Variants in LRRC8B observed in about 807,000 individuals in gnomAD.
The protein encoded by LRRC8B is leucine rich repeat containing 8 VRAC subunit B.
In LRRC8B, 23 loss-of-function variants were observed where a neutral mutation model predicts 58.8. The observed-to-expected ratio is 0.39, with a 90% CI of 0.28 to 0.55. The LOEUF (loss-of-function observed/expected upper bound fraction) is 0.55, where lower values mean the gene tolerates loss of function less well. Ranked by LOEUF, LRRC8B falls within the 20% of genes least tolerant of loss-of-function variation. The pLI, the probability that LRRC8B is intolerant of heterozygous loss-of-function variation, is 0.62. For synonymous variants in LRRC8B, 359 were observed against 374.1 expected, an observed-to-expected ratio of 0.96 and a Z score of 0.47; for missense variants, 694 against 936.0, an observed-to-expected ratio of 0.74 and a Z score of 3.37.
chr1:89,536,478 G>C (rs1380122198), intron 1 of LRRC8B, among the ~76,000 whole-genome samples: 1 of 152,176 alleles, frequency 6.6e-6, no homozygotes, highest in Non-Finnish European at 1.5e-5. Context: ...CTCTTAGCAG[G>C]CCCTAGAGTT....
In LRRC8B at chr1:89,583,471, C is replaced by G; in HGVS notation, c.821C>G (p.Thr274Ser). ...GTCATTTTGTTTGTGCTCATCATAA[C>G]TTATGTTCCATATTTTTTAACCCAC... ...VKVILFVLII[T>S]YVPYFLTHIT... is the part of the protein sequence containing the mutation. Residue 274 changes from threonine to serine, a missense_variant, in exon 5 of 6, where the codon ACT (threonine) becomes AGT (serine). Coordinates refer to ENST00000330947, the MANE Select transcript of LRRC8B (RefSeq NM_001369817.2). This position sits in a 1 kb window ranked among gnomAD's most constrained non-coding sequence, Gnocchi z 5.2. 6.2e-7 allele frequency: 1 copy of G among 1,614,046 alleles called. No homozygotes were observed.
intron 1 of LRRC8B, among the ~76,000 whole-genome samples, chr1:89,551,069 G>A (rs1467251965): frequency 3.3e-5 from 5 of 152,040 alleles, no homozygotes; most frequent in African/African-American, 1.2e-4. Flanking sequence ...CCCTCTGGCC[G>A]TGAAGATCCT....
In LRRC8B at chr1:89,591,299, A is replaced by T. The variant is rs141478433; in HGVS notation, c.2140-1472A>T. Among the ~76,000 whole-genome samples, 21 of 152,306 alleles carry T rather than the reference A, an allele frequency of 1.4e-4. 1 individual carries two copies. The highest frequency in any genetic ancestry group is 4.6e-4 in the African/African-American group (19 of 41,574). On this transcript the variant is annotated intron_variant, in intron 5 of 5. Coordinates refer to ENST00000330947, the MANE Select transcript of LRRC8B (RefSeq NM_001369817.2). ...AGGACTGATTTTTTCCTTCACTTGG[A>T]CATCACTGATCCTACTTCTGAGCTG...
chr1:89,582,752 C>A lies in LRRC8B; in HGVS notation c.102C>A (p.Ile34=). 6.2e-7 allele frequency: 1 copy of A among 1,614,220 alleles called. No homozygotes were observed. Among genetic ancestry groups the A allele is most frequent in the Non-Finnish European group, 8.5e-7 (1 of 1,180,032 alleles). Residue 34 remains isoleucine (I), a synonymous_variant, in exon 5 of 6, where the codon ATC becomes ATA. Coordinates refer to ENST00000330947, the MANE Select transcript of LRRC8B (RefSeq NM_001369817.2). ...TCTTCTGGTATTACATCACACTGAT[C>A]ATGCTGCTGGTGGCCGTGCTGGCCG... ...WDVFWYYITL[I]MLLVAVLAGA...
intron 1 of LRRC8B, among the ~76,000 whole-genome samples, chr1:89,565,172 G>A (rs776198763): frequency 2.6e-5 from 4 of 152,162 alleles, no homozygotes; most frequent in African/African-American, 4.8e-5. Context: ...CAGGACAAGT[G>A]GGCACAGAAT....
At chr1:89,528,562 TAGTTA>T (rs1300894343) in intron 1 of LRRC8B, among the ~76,000 whole-genome samples, 5 of 152,216 alleles carry the variant, frequency 3.3e-5, no homozygotes, top group African/African-American at 1.2e-4. Context: ...AGTTGTGGAT[TAGTTA>T]AAATTAGTTG....
chr1:89,530,767 C>T (rs1271578747), intron 1 of LRRC8B, among the ~76,000 whole-genome samples: 1 of 152,146 alleles, frequency 6.6e-6, no homozygotes, highest in Non-Finnish European at 1.5e-5. Flanking sequence ...GGTGGACAAC[C>T]CCAACGGCCG....
rs376518152 is a variant in LRRC8B at position 89,593,838 on chromosome 1, G to A, written c.*795G>A. ...TTATGTTCCTAAATTTTTTTAGATA[G>A]GGTATGTTGTGCTTGGCAGAATTCT... On this transcript the variant is annotated 3_prime_UTR_variant, in exon 6 of 6. Transcript: ENST00000330947. 7.9e-5 allele frequency: 12 copies of A among 152,082 alleles called. No homozygotes were observed. In the East Asian group the frequency reaches 9.6e-4, roughly 12 times the overall value. 9.4% of individuals were successfully genotyped at this position (152,082 alleles called of 1,614,324 possible).
rs553101022 is a variant in LRRC8B at position 89,569,430 on chromosome 1, T to C, written c.-125+937T>C. On this transcript the variant is annotated intron_variant, in intron 3 of 5. Coordinates refer to ENST00000330947, the MANE Select transcript of LRRC8B (RefSeq NM_001369817.2). Reference sequence around the variant, plus strand: ...TGTCACCCAGGTAGTGAGCATAGTGTACAATAGGAAAACTTTCAGCCCTTG... The same window carrying C: ...TGTCACCCAGGTAGTGAGCATAGTGCACAATAGGAAAACTTTCAGCCCTTG... Among the ~76,000 whole-genome samples, 16 of 152,284 alleles carry C rather than the reference T, an allele frequency of 1.1e-4. No homozygotes were observed. In the South Asian group the frequency reaches 3.3e-3, roughly 32 times the overall value.
intron 5 of LRRC8B, among the ~76,000 whole-genome samples, chr1:89,589,750 G>C (rs1654858866): frequency 6.7e-6 from 1 of 149,224 alleles, no homozygotes; most frequent in African/African-American, 2.5e-5. Context: ...TTCCTGAGAT[G>C]GCATGTGTCA....
chr1:89,569,779 G>T (rs1235789773), intron 3 of LRRC8B, among the ~76,000 whole-genome samples: 2 of 151,972 alleles, frequency 1.3e-5, no homozygotes, highest in African/African-American at 4.8e-5. Flanking sequence ...TGTGTCATGG[G>T]GGTTTGTGGT....
chr1:89,566,227 G>T (rs1256568532), intron 1 of LRRC8B, among the ~76,000 whole-genome samples: 1 of 152,168 alleles, frequency 6.6e-6, no homozygotes, highest in Non-Finnish European at 1.5e-5. Context: ...CAATGTAAAA[G>T]AAATATTAGT....
chr1:89,565,597 T>C (rs1652987132), intron 1 of LRRC8B, among the ~76,000 whole-genome samples: 1 of 152,234 alleles, frequency 6.6e-6, no homozygotes, highest in East Asian at 1.9e-4. Flanking sequence ...CACCCTTCCA[T>C]ACCCACCATG....
At chr1:89,545,503 G>C (rs565787245) in intron 1 of LRRC8B, among the ~76,000 whole-genome samples, 20 of 152,140 alleles carry the variant, frequency 1.3e-4, no homozygotes, top group Non-Finnish European at 2.1e-4. Flanking sequence ...CTGTCATACT[G>C]TGTCTGCATG....
chr1:89,574,781 C>T (rs1169058203), intron 3 of LRRC8B, among the ~76,000 whole-genome samples: 3 of 152,136 alleles, frequency 2.0e-5, no homozygotes, highest in Non-Finnish European at 4.4e-5. Context: ...TTCCTCTACC[C>T]AGCAAAAGAT....
At chr1:89,552,613 G>A (rs1651904961) in intron 1 of LRRC8B, among the ~76,000 whole-genome samples, 1 of 152,138 alleles carries the variant, frequency 6.6e-6, no homozygotes, top group African/African-American at 2.4e-5. Flanking sequence ...AGAGAAATGT[G>A]ATTTACTTGT....
intron 1 of LRRC8B, among the ~76,000 whole-genome samples, chr1:89,538,631 A>C (rs1650714376): frequency 6.6e-6 from 1 of 152,252 alleles, no homozygotes. Context: ...TATTTTAAGT[A>C]GCAGTCATCC....
rs1654391349 is a variant in LRRC8B, at chr1:89,583,443, A to G, written c.793A>G (p.Lys265Glu). 1.2e-6 allele frequency: 2 copies of G among 1,614,174 alleles called. No individual in the cohort carries two copies. The highest frequency in any genetic ancestry group is 1.7e-6 in the Non-Finnish European group (2 of 1,180,022). The change falls in exon 5 of 6, where the codon AAA (lysine) becomes GAA (glutamate). Residue 265 changes from lysine (K) to glutamate (E), a missense_variant. This residue lies in a region of LRRC8B where 316 missense variants were observed against 403.8 expected (regional missense o/e 0.78). Coordinates refer to ENST00000330947, the MANE Select transcript of LRRC8B (RefSeq NM_001369817.2). This position sits in a 1 kb window ranked among gnomAD's most constrained non-coding sequence, Gnocchi z 5.2. The part of the protein sequence containing the change: ...YRVYLKQIIV[K>E]VILFVLIITY... The stretch of plus-strand genomic sequence containing the variant: ...AGTATATCTGAAACAGATAATAGTC[A>G]AAGTCATTTTGTTTGTGCTCATCAT...
In LRRC8B at chr1:89,595,348, T is replaced by C. The variant is rs1474037644; in HGVS notation, c.*2305T>C. ...GAATTATCATGTATACTGATTCCAG[T>C]GTGGCATGTGATTAAGTTTTGGACA... On this transcript the variant is annotated 3_prime_UTR_variant, in exon 6 of 6. Transcript: ENST00000330947. The C allele has an allele frequency of 1.3e-5, 2 of 152,174 alleles. No homozygotes were observed. Among genetic ancestry groups the C allele is most frequent in the African/African-American group, 2.4e-5 (1 of 41,462 alleles). The allele number at this position is 152,174 out of a possible 1,614,324, so 9.4% of individuals were successfully genotyped here. A position where few individuals can be genotyped will look rare whatever the true frequency, so the allele number is the denominator to read the frequency against.
Sources: gnomAD v4.1 joint callset for allele counts (sites outside exome capture counted in the v4.1 genomes callset) on GRCh38, gnomAD v4.1.1 for gene constraint, gnomAD v4.1.1 regional missense constraint, Gnocchi (gnomAD v3.1) non-coding constraint, MANE v1.5 for transcripts, NCBI Gene and HGNC (gene_info 2026-07-23, HGNC 2026-07-21) for gene names.